ELAPOR1: variants seen among roughly 807,000 people sequenced by gnomAD.
ELAPOR1 encodes endosome/lysosome-associated apoptosis and autophagy regulator 1.
Under a neutral mutation model 119.7 loss-of-function variants are expected in ELAPOR1, and 77 were observed. That is an observed-to-expected ratio of 0.64 (90% CI 0.54 to 0.78). The LOEUF is 0.78. ELAPOR1 is among the 30% of genes least tolerant of loss of function. The probability of loss-of-function intolerance (pLI) is 0.00; values close to 1 mark genes in which losing one functional copy is unlikely to be tolerated. For synonymous variants in ELAPOR1, 481 were observed against 487.2 expected, an observed-to-expected ratio of 0.99 and a Z score of 0.17; for missense variants, 1,115 against 1,270.4, an observed-to-expected ratio of 0.88 and a Z score of 1.86.
At position 109,189,598 on chromosome 1, in the gene ELAPOR1, A is replaced by C; in HGVS notation, c.1355A>C (p.Glu452Ala). ...TCTCCTCTTTCCTTTTCAGGCTGGG[A>C]GGTGGCTGGTGATCACATTTACACA... ...NFEYKGMTGW[E>A]VAGDHIYTAA... Residue 452 changes from glutamate (E) to alanine (A), a missense_variant, in exon 11 of 22, where the codon GAG becomes GCG. Glu to Ala is a moderately radical substitution (Grantham distance 107). Coordinates refer to ENST00000369939, the MANE Select transcript of ELAPOR1 (RefSeq NM_020775.5). 1 of 1,613,888 alleles carries C rather than the reference A, an allele frequency of 6.2e-7. No homozygotes were observed. The highest frequency in any genetic ancestry group is 1.1e-5 in the South Asian group (1 of 91,068).
intron 1 of ELAPOR1, among the ~76,000 whole-genome samples, chr1:109,144,061 A>ATATATATATATATTTTTTTT: frequency 2.2e-5 from 2 of 88,992 alleles, no homozygotes; most frequent in African/African-American, 9.6e-5. Context: ...ATATTTATAT[A>ATATATATATATATTTTTTTT]TTTTTTTTTT....
intron 1 of ELAPOR1, among the ~76,000 whole-genome samples, chr1:109,120,719 A>C (rs1160851552): frequency 3.3e-5 from 5 of 152,006 alleles, no homozygotes; most frequent in Non-Finnish European, 7.4e-5. Flanking sequence ...GTTTCTTCAG[A>C]GCTCTTGGGG....
intron 1 of ELAPOR1, among the ~76,000 whole-genome samples, chr1:109,145,026 T>C (rs747713323): frequency 6.6e-6 from 1 of 152,204 alleles, no homozygotes; most frequent in Non-Finnish European, 1.5e-5. Flanking sequence ...CAATGTGATA[T>C]ATTAAAAGAT....
In ELAPOR1 at chr1:109,145,632, G is replaced by A. The variant is rs552666316; in HGVS notation, c.154-16262G>A. On this transcript the variant is annotated intron_variant, in intron 1 of 21. Transcript: ENST00000369939. ...GATCGTGCCACTGCATTCCAACCTGGGCAACAGAGCAAGAGACTCTGTCTC... is the reference window on the plus strand; with the variant it reads ...GATCGTGCCACTGCATTCCAACCTGAGCAACAGAGCAAGAGACTCTGTCTC... 3.3e-4 allele frequency among the ~76,000 whole-genome samples: 50 copies of A among 152,070 alleles called. 2 individuals are homozygous for A. The highest frequency in any genetic ancestry group is 1.6e-4 in the Non-Finnish European group (11 of 68,018).
At chr1:109,150,907 G>A (rs1320055951) in intron 1 of ELAPOR1, among the ~76,000 whole-genome samples, 2 of 152,136 alleles carry the variant, frequency 1.3e-5, no homozygotes, top group African/African-American at 4.8e-5. Flanking sequence ...ATGATGGCAG[G>A]TGGCAATGTT....
Position 109,176,863 on chromosome 1 carries a change from C to T in ELAPOR1, c.952+3026C>T, listed in dbSNP as rs1163724827. ...TTAACAAAGCACATCTTGCACCGCC[C>T]TTAATCCATTCAACCCTGAGTGGAT... is the stretch of plus-strand genomic sequence containing the variant. On this transcript the variant is annotated intron_variant, in intron 7 of 21. Coordinates refer to ENST00000369939, the MANE Select transcript of ELAPOR1 (RefSeq NM_020775.5). Among the ~76,000 whole-genome samples the T allele has an allele frequency of 7.0e-5, 10 of 143,526 alleles. 1 individual carries two copies. In the East Asian group the frequency reaches 1.0e-3, roughly 14 times the overall value. The allele number at this position is 143,526 out of a possible 152,430, so 94.2% of individuals were successfully genotyped here. A position where few individuals can be genotyped will look rare whatever the true frequency, so the allele number is the denominator to read the frequency against.
At chr1:109,135,131 A>C (rs982058194) in intron 1 of ELAPOR1, among the ~76,000 whole-genome samples, 9 of 152,322 alleles carry the variant, frequency 5.9e-5, no homozygotes, top group African/African-American at 1.9e-4. Flanking sequence ...CAGGGTTCCC[A>C]AACTGCAGTA....
rs1207405954 is a variant in ELAPOR1 at position 109,189,063 on chromosome 1, C to T, written c.1220-3C>T. The T allele has an allele frequency of 6.2e-7, 1 of 1,613,180 alleles. No homozygotes were observed. Among genetic ancestry groups the T allele is most frequent in the Non-Finnish European group, 8.5e-7 (1 of 1,179,796 alleles). The stretch of plus-strand genomic sequence containing the variant: ...TGCATGGATCTTGTTTGTGGTTCCC[C>T]AGACTGTACCCGCTGCCCTGCAGGG... On this transcript the variant is annotated splice_polypyrimidine_tract_variant and splice_region_variant and intron_variant, in intron 9 of 21. Coordinates refer to ENST00000369939, the MANE Select transcript of ELAPOR1 (RefSeq NM_020775.5).
chr1:109,197,024 G>A (rs2101130730), intron 15 of ELAPOR1, among the ~76,000 whole-genome samples: 1 of 152,122 alleles, frequency 6.6e-6, no homozygotes, highest in Admixed American at 6.5e-5. Flanking sequence ...AATGTTGACT[G>A]GGCACAGTGG....
intron 14 of ELAPOR1, 89 bp from the exon 15 acceptor site, chr1:109,194,332 C>T (rs1653639683): frequency 2.4e-6 from 3 of 1,225,880 alleles, no homozygotes; most frequent in African/African-American, 2.9e-5. Flanking sequence ...TTGGGCGGGA[C>T]CAGACGGGGG....
chr1:109,133,170 C>T (rs142910669), intron 1 of ELAPOR1, among the ~76,000 whole-genome samples: 269 of 152,098 alleles, frequency 1.8e-3, no homozygotes, highest in Middle Eastern at 6.8e-3. Context: ...GTTGAGGGTG[C>T]GGTGAGCTCT....
chr1:109,120,531 C>T (rs1043300404), intron 1 of ELAPOR1, among the ~76,000 whole-genome samples: 7 of 152,162 alleles, frequency 4.6e-5, no homozygotes, highest in African/African-American at 1.7e-4. Flanking sequence ...CTGCTGGTGC[C>T]TTGATCTTGG....
intron 1 of ELAPOR1, among the ~76,000 whole-genome samples, chr1:109,117,748 T>C (rs1648108483): frequency 1.3e-5 from 2 of 152,152 alleles, no homozygotes; most frequent in South Asian, 4.1e-4. Flanking sequence ...AGTACACAGA[T>C]AATGACGTAT....
Position 109,171,989 on chromosome 1 carries a change from C to G in ELAPOR1, c.591C>G (p.Asp197Glu), listed in dbSNP as rs1651956752. 2 of 1,614,102 alleles carry G rather than the reference C, an allele frequency of 1.2e-6. 1 individual carries two copies. The highest frequency in any genetic ancestry group is 2.2e-5 in the South Asian group (2 of 91,090). The change falls in exon 4 of 22, where the codon GAC (aspartate) becomes GAG (glutamate). Residue 197 changes from aspartate (D) to glutamate (E), a missense_variant. By Grantham distance (45) the Asp-to-Glu change is conservative. Coordinates refer to ENST00000369939, the MANE Select transcript of ELAPOR1 (RefSeq NM_020775.5). ...TTAACTTCGAATACTACTATCCAGA[C>G]TCCAGCATCATCTTTGAGTTTTTCG... ...GTVNFEYYYP[D>E]SSIIFEFFVQ...
At chr1:109,179,466 C>T (rs1163652868) in intron 7 of ELAPOR1, among the ~76,000 whole-genome samples, 1 of 150,240 alleles carries the variant, frequency 6.7e-6, no homozygotes, top group Non-Finnish European at 1.5e-5. Flanking sequence ...CAGGAAACTG[C>T]AAATAATTCA....
intron 8 of ELAPOR1, among the ~76,000 whole-genome samples, chr1:109,186,142 G>C (rs1441162933): frequency 1.3e-5 from 2 of 152,090 alleles, no homozygotes; most frequent in East Asian, 3.8e-4. Context: ...TAGAAGGGTA[G>C]GGATGTCCTC....
intron 13 of ELAPOR1, 120 bp downstream of exon 13, chr1:109,191,983 G>A (rs549861859): frequency 7.9e-7 from 1 of 1,270,012 alleles, no homozygotes; most frequent in Admixed American, 2.2e-5. Flanking sequence ...GATCTCAGGG[G>A]GTCAAGCAGA....
chr1:109,171,551 CA>C (rs367968095), intron 3 of ELAPOR1, among the ~76,000 whole-genome samples: 52 of 144,264 alleles, frequency 3.6e-4, no homozygotes, highest in Middle Eastern at 3.5e-3. Flanking sequence ...GACTCTGCCT[CA>C]AAAAAAAAAA....
At chr1:109,137,599 C>T (rs1649559410) in intron 1 of ELAPOR1, among the ~76,000 whole-genome samples, 1 of 152,092 alleles carries the variant, frequency 6.6e-6, no homozygotes, top group Admixed American at 6.6e-5. Flanking sequence ...GCAATCTCGG[C>T]TCACTGCAAC....
Sources: gnomAD v4.1 joint callset for allele counts (sites outside exome capture counted in the v4.1 genomes callset) on GRCh38, gnomAD v4.1.1 for gene constraint, MANE v1.5 for transcripts, NCBI Gene and HGNC (gene_info 2026-07-23, HGNC 2026-07-21) for gene names.